Variants in SYNDIG1 observed in about 807,000 individuals in gnomAD.
The protein encoded by SYNDIG1 is synapse differentiation-inducing gene protein 1.
A neutral mutation model predicts 19.4 loss-of-function variants in SYNDIG1; 9 were observed. That is an observed-to-expected ratio of 0.46 (90% CI 0.28 to 0.81). SYNDIG1 has a LOEUF of 0.81. Among genes scored for constraint, SYNDIG1 ranks in the 30% least tolerant of loss-of-function variants. SYNDIG1 has a pLI of 0.12. For missense variants in SYNDIG1, 311 were observed against 343.3 expected (o/e 0.91, Z 0.74); for synonymous variants, 141 against 145.9 (o/e 0.97, Z 0.24).
intron 3 of SYNDIG1, among the ~76,000 whole-genome samples, chr20:24,661,976 C>A (rs993392389): frequency 6.6e-6 from 1 of 152,054 alleles, no homozygotes; most frequent in Non-Finnish European, 1.5e-5. Flanking sequence ...TTGACTTTGT[C>A]CCTCCACAAA....
intron 1 of SYNDIG1, among the ~76,000 whole-genome samples, chr20:24,518,333 T>C (rs770419518): frequency 7.2e-5 from 11 of 151,880 alleles, no homozygotes; most frequent in Non-Finnish European, 1.6e-4. Flanking sequence ...CACCTAGCAA[T>C]GGGGACTCTT....
At chr20:24,651,126 A>G (rs1045992821) in intron 3 of SYNDIG1, among the ~76,000 whole-genome samples, 4 of 152,016 alleles carry the variant, frequency 2.6e-5, no homozygotes, top group African/African-American at 9.7e-5. Flanking sequence ...TGTTTTTATC[A>G]TGTTTCCTTA....
intron 2 of SYNDIG1, among the ~76,000 whole-genome samples, chr20:24,567,443 G>A (rs1384129851): frequency 6.6e-6 from 1 of 152,124 alleles, no homozygotes; most frequent in East Asian, 1.9e-4. Flanking sequence ...GGAGCCCTCT[G>A]AAGGACATCC....
Position 24,658,810 on chromosome 20 carries a change from G to C in SYNDIG1, c.619-6536G>C, listed in dbSNP as rs1374198529. Among the ~76,000 whole-genome samples the C allele has an allele frequency of 6.6e-6, 1 of 152,102 alleles. No homozygotes were observed. Among genetic ancestry groups the C allele is most frequent in the Non-Finnish European group, 1.5e-5 (1 of 68,016 alleles). On this transcript the variant is annotated intron_variant, in intron 3 of 3. Coordinates refer to ENST00000376862, the MANE Select transcript of SYNDIG1 (RefSeq NM_024893.3). The surrounding 1 kb of genome is among the most constrained non-coding windows in gnomAD (Gnocchi z 4.4). ...CCTCGTTTTCTCCCAGATCCATGCTGTCCAGTGTGGGACCCCCAGCCATGG... is the reference window on the plus strand; with the variant it reads ...CCTCGTTTTCTCCCAGATCCATGCTCTCCAGTGTGGGACCCCCAGCCATGG...
intron 1 of SYNDIG1, among the ~76,000 whole-genome samples, chr20:24,503,701 A>G (rs903397350): frequency 6.6e-6 from 1 of 151,686 alleles, no homozygotes. Context: ...TGGCACTCCA[A>G]TCCCCCTGAC....
chr20:24,504,506 A>C (rs1257818917), intron 1 of SYNDIG1, among the ~76,000 whole-genome samples: 1 of 152,134 alleles, frequency 6.6e-6, no homozygotes, highest in Non-Finnish European at 1.5e-5. Flanking sequence ...CCCTCTCTGG[A>C]TGCCACCCTC....
intron 3 of SYNDIG1, among the ~76,000 whole-genome samples, chr20:24,587,630 G>A (rs1310836664): frequency 1.3e-5 from 2 of 152,224 alleles, no homozygotes; most frequent in African/African-American, 4.8e-5. Flanking sequence ...AATTAAATCA[G>A]TGCTTTCCTA....
intron 3 of SYNDIG1, among the ~76,000 whole-genome samples, chr20:24,640,489 G>GGAAGGAAA (rs1555815313): frequency 4.1e-5 from 5 of 121,096 alleles, no homozygotes; most frequent in African/African-American, 1.4e-4. Flanking sequence ...AAGGAAGGAA[G>GGAAGGAAA]GAAGGAAGGA....
intron 1 of SYNDIG1, among the ~76,000 whole-genome samples, chr20:24,483,121 G>A (rs1430713874): frequency 1.3e-5 from 2 of 152,218 alleles, no homozygotes; most frequent in Admixed American, 6.5e-5. Flanking sequence ...TGATTTGGGG[G>A]AAGTGGAAAG....
At chr20:24,532,023 C>T (rs939372446) in intron 1 of SYNDIG1, among the ~76,000 whole-genome samples, 1 of 152,206 alleles carries the variant, frequency 6.6e-6, no homozygotes, top group Non-Finnish European at 1.5e-5. Context: ...TGAACATCTA[C>T]TATGTTGTCA....
chr20:24,484,986 G>A (rs2055914945), intron 1 of SYNDIG1, among the ~76,000 whole-genome samples: 1 of 152,132 alleles, frequency 6.6e-6, no homozygotes, highest in Admixed American at 6.5e-5. Context: ...GACTGGATTA[G>A]CGCTCCAGCC....
At chr20:24,621,114 A>C (rs940467933) in intron 3 of SYNDIG1, among the ~76,000 whole-genome samples, 1 of 152,236 alleles carries the variant, frequency 6.6e-6, no homozygotes, top group Non-Finnish European at 1.5e-5. Context: ...AAGAGTGTTA[A>C]AAAATAAGCT....
intron 1 of SYNDIG1, among the ~76,000 whole-genome samples, chr20:24,490,063 G>T (rs1268743060): frequency 2.0e-5 from 3 of 152,196 alleles, no homozygotes; most frequent in Non-Finnish European, 2.9e-5. Flanking sequence ...CAGGGACAGG[G>T]GCCAGAGAGG....
chr20:24,635,393 C>T (rs1384869298), intron 3 of SYNDIG1, among the ~76,000 whole-genome samples: 3 of 152,228 alleles, frequency 2.0e-5, no homozygotes, highest in South Asian at 2.1e-4. Flanking sequence ...CCTTTCCGAA[C>T]GCGCTCTTCA....
At position 24,482,621 on chromosome 20, in the gene SYNDIG1, A is replaced by G. The variant is rs148335404; in HGVS notation, c.-79+12868A>G. Among the ~76,000 whole-genome samples, 5 of 152,328 alleles carry G rather than the reference A, an allele frequency of 3.3e-5. No homozygotes were observed. In the East Asian group the frequency reaches 9.6e-4, roughly 29 times the overall value. ...TCTAAGATACACGCAGAGTATGTGT[A>G]TCTTGCTTCCAGTAATGAACTGTCA... On this transcript the variant is annotated intron_variant, in intron 1 of 3. Coordinates refer to ENST00000376862, the MANE Select transcript of SYNDIG1 (RefSeq NM_024893.3).
chr20:24,530,990 A>G (rs991816997), intron 1 of SYNDIG1, among the ~76,000 whole-genome samples: 3 of 151,762 alleles, frequency 2.0e-5, no homozygotes, highest in Admixed American at 1.3e-4. Flanking sequence ...TTTGTATTTT[A>G]GTAGAGACAG....
intron 3 of SYNDIG1, among the ~76,000 whole-genome samples, chr20:24,635,679 T>C (rs2059308058): frequency 2.0e-5 from 3 of 152,216 alleles, no homozygotes; most frequent in African/African-American, 7.2e-5. Flanking sequence ...ACACGTAGTT[T>C]TGTAACAGTG....
chr20:24,471,064 C>T (rs943700106), intron 1 of SYNDIG1, among the ~76,000 whole-genome samples: 17 of 152,216 alleles, frequency 1.1e-4, no homozygotes, highest in African/African-American at 4.1e-4. Flanking sequence ...CTGTCCGTCT[C>T]CCTCCTACAG....
At chr20:24,491,323 A>G (rs1326274801) in intron 1 of SYNDIG1, 3 of 152,392 alleles carry the variant, frequency 2.0e-5, no homozygotes, top group East Asian at 3.9e-4. Flanking sequence ...GAGAGCAGCC[A>G]GGAGAGGACA....
Sources: gnomAD v4.1 joint callset for allele counts (sites outside exome capture counted in the v4.1 genomes callset) on GRCh38, gnomAD v4.1.1 for gene constraint, Gnocchi (gnomAD v3.1) non-coding constraint, MANE v1.5 for transcripts, NCBI Gene and HGNC (gene_info 2026-07-23, HGNC 2026-07-21) for gene names.